The following CLSTN2 variants were observed in gnomAD, a reference collection of about 807,000 sequenced individuals.
The protein encoded by CLSTN2 is calsyntenin-2.
In CLSTN2, 48 loss-of-function variants were observed where a neutral mutation model predicts 101.2. That is an observed-to-expected ratio of 0.47 (90% CI 0.38 to 0.60). CLSTN2 has a LOEUF of 0.60. Ranked by LOEUF, CLSTN2 falls within the 20% of genes least tolerant of loss-of-function variation. The pLI is 0.00. For missense variants in CLSTN2, 1,160 were observed against 1,238.2 expected (o/e 0.94, Z 0.95); for synonymous variants, 481 against 463.6 (o/e 1.04, Z -0.48).
chr3:140,437,523 G>A (rs908165124), intron 5 of CLSTN2, among the ~76,000 whole-genome samples: 2 of 152,148 alleles, frequency 1.3e-5, no homozygotes, highest in Non-Finnish European at 2.9e-5. Flanking sequence ...AGCCTCCTTG[G>A]GTTTCTAACA....
intron 1 of CLSTN2, among the ~76,000 whole-genome samples, chr3:140,140,432 G>A (rs1462330686): frequency 1.3e-5 from 2 of 152,002 alleles, no homozygotes; most frequent in African/African-American, 4.8e-5. Flanking sequence ...GAAGTACAAA[G>A]CTCCTTTAAA....
At chr3:140,293,139 A>G (rs569137510) in intron 2 of CLSTN2, among the ~76,000 whole-genome samples, 1 of 152,350 alleles carries the variant, frequency 6.6e-6, no homozygotes, top group East Asian at 1.9e-4. Flanking sequence ...CTGAATCTTC[A>G]GGGTGATCAA....
chr3:140,505,116 C>T (rs886076081), intron 8 of CLSTN2, among the ~76,000 whole-genome samples: 6 of 151,508 alleles, frequency 4.0e-5, no homozygotes, highest in Non-Finnish European at 8.8e-5. Flanking sequence ...AACCTGTTGA[C>T]AAGCCTTCTC....
intron 2 of CLSTN2, among the ~76,000 whole-genome samples, chr3:140,341,236 C>G (rs1400062442): frequency 6.6e-6 from 1 of 152,172 alleles, no homozygotes; most frequent in Non-Finnish European, 1.5e-5. Context: ...CATTGACAGT[C>G]TCTTTAGACT....
chr3:140,121,870 C>T (rs1355818615), intron 1 of CLSTN2, among the ~76,000 whole-genome samples: 2 of 152,124 alleles, frequency 1.3e-5, no homozygotes, highest in Non-Finnish European at 2.9e-5. Flanking sequence ...GACTACGCTG[C>T]CAACACAGGA....
At chr3:139,981,087 G>T (rs184795616) in intron 1 of CLSTN2, among the ~76,000 whole-genome samples, 1 of 151,570 alleles carries the variant, frequency 6.6e-6, no homozygotes, top group Non-Finnish European at 1.5e-5. Context: ...TCTTGCCTGT[G>T]GGTCATCTGC....
chr3:140,532,359 T>C lies in CLSTN2; in HGVS notation c.1380T>C (p.Asn460=), dbSNP rs757934718. The part of the protein sequence containing the change: ...CDKEWHYYVI[N]VEFPVVTLYM... ...AAGAGTGGCACTACTATGTCATCAA[T>C]GTGGAGTTTCCTGTGGTAACCTTAT... The change falls in exon 9 of 17, where the codon AAT becomes AAC. Residue 460 remains asparagine, a synonymous_variant. Coordinates refer to ENST00000458420, the MANE Select transcript of CLSTN2 (RefSeq NM_022131.3). The C allele has an allele frequency of 6.2e-7, 1 of 1,611,754 alleles. No individual in the cohort carries two copies. Among genetic ancestry groups the C allele is most frequent in the South Asian group, 1.1e-5 (1 of 90,530 alleles).
chr3:140,034,506 T>C (rs115704123), intron 1 of CLSTN2, among the ~76,000 whole-genome samples: 6,375 of 152,290 alleles, frequency 0.042, 176 homozygotes, highest in Non-Finnish European at 0.064. Context: ...TTGGGAATAA[T>C]CCGCACCCTG....
At chr3:140,175,843 G>T in intron 1 of CLSTN2, 108 bp from the exon 2 acceptor site, 2 of 1,065,206 alleles carry the variant, frequency 1.9e-6, no homozygotes, top group Non-Finnish European at 1.3e-6. Context: ...TCATGGGATT[G>T]TTGGATGAGA....
At chr3:140,083,254 G>T (rs1166171563) in intron 1 of CLSTN2, among the ~76,000 whole-genome samples, 3 of 152,142 alleles carry the variant, frequency 2.0e-5, no homozygotes. Flanking sequence ...ACCACTCTGT[G>T]CCCAGTGCCA....
At chr3:140,039,994 C>T (rs1448958255) in intron 1 of CLSTN2, among the ~76,000 whole-genome samples, 1 of 152,134 alleles carries the variant, frequency 6.6e-6, no homozygotes, top group East Asian at 1.9e-4. Context: ...TCAAGGCTCT[C>T]ATATTAATTA....
At chr3:140,418,870 C>A (rs1427715551) in intron 4 of CLSTN2, among the ~76,000 whole-genome samples, 1 of 152,048 alleles carries the variant, frequency 6.6e-6, no homozygotes, top group African/African-American at 2.4e-5. Flanking sequence ...CCCTCCTGGA[C>A]ATCAGTCAGC....
intron 2 of CLSTN2, among the ~76,000 whole-genome samples, chr3:140,225,534 G>T (rs1446465800): frequency 6.6e-6 from 1 of 152,044 alleles, no homozygotes; most frequent in Non-Finnish European, 1.5e-5. Flanking sequence ...TTTTGCTCTT[G>T]TCGCCCAGGC....
At chr3:140,496,281 A>G (rs2107759904) in intron 8 of CLSTN2, among the ~76,000 whole-genome samples, 1 of 152,268 alleles carries the variant, frequency 6.6e-6, no homozygotes, top group African/African-American at 2.4e-5. Flanking sequence ...TTCTTGGTGT[A>G]TAGGAATGCT....
intron 2 of CLSTN2, among the ~76,000 whole-genome samples, chr3:140,179,620 CAAAAAA>C (rs57433306): frequency 0.015 from 572 of 37,470 alleles, 7 homozygotes; most frequent in African/African-American, 0.036. Context: ...GACCCTATCT[CAAAAAA>C]AAAAAAAAAA....
At chr3:140,144,379 G>A (rs1257971674) in intron 1 of CLSTN2, among the ~76,000 whole-genome samples, 3 of 152,268 alleles carry the variant, frequency 2.0e-5, no homozygotes, top group East Asian at 3.9e-4. Flanking sequence ...AGGCCAAGGC[G>A]GGTGGATCGC....
At chr3:140,536,939 A>G (rs959436852) in intron 9 of CLSTN2, among the ~76,000 whole-genome samples, 5 of 152,188 alleles carry the variant, frequency 3.3e-5, no homozygotes, top group African/African-American at 1.2e-4. Flanking sequence ...AAATATTCAC[A>G]TCCTCCTTGA....
chr3:140,217,874 G>A (rs1212208652), intron 2 of CLSTN2, among the ~76,000 whole-genome samples: 1 of 152,186 alleles, frequency 6.6e-6, no homozygotes, highest in Non-Finnish European at 1.5e-5. Flanking sequence ...CTCTACAGCA[G>A]AAAAGAAGGA....
chr3:140,254,914 C>T (rs187352424), intron 2 of CLSTN2, among the ~76,000 whole-genome samples: 157 of 152,194 alleles, frequency 1.0e-3, no homozygotes, highest in Admixed American at 2.4e-3. Context: ...ATGCATCCAA[C>T]AAAGGTGTAA....
Sources: gnomAD v4.1 joint callset for allele counts (sites outside exome capture counted in the v4.1 genomes callset) on GRCh38, gnomAD v4.1.1 for gene constraint, MANE v1.5 for transcripts, NCBI Gene and HGNC (gene_info 2026-07-23, HGNC 2026-07-21) for gene names.